Variants in CAB39 observed in about 807,000 individuals in gnomAD.
CAB39 encodes the protein calcium binding protein 39.
In CAB39, 8 loss-of-function variants were observed where a neutral mutation model predicts 40.0. That is an observed-to-expected ratio of 0.20 (90% CI 0.12 to 0.36). CAB39 has a LOEUF of 0.36. CAB39 is among the 10% of genes least tolerant of loss of function. CAB39 has a pLI of 1.00. For missense variants in CAB39, 270 were observed against 401.1 expected (o/e 0.67, Z 2.79); for synonymous variants, 156 against 141.6 (o/e 1.10, Z -0.72).
At chr2:230,751,488 A>G (rs1695084935) in intron 1 of CAB39, among the ~76,000 whole-genome samples, 1 of 152,194 alleles carries the variant, frequency 6.6e-6, no homozygotes, top group Non-Finnish European at 1.5e-5. Flanking sequence ...AGTTCTTTTC[A>G]GTATTTGTCA....
At chr2:230,781,100 CGGG>C (rs1695679062) in intron 2 of CAB39, among the ~76,000 whole-genome samples, 1 of 151,738 alleles carries the variant, frequency 6.6e-6, no homozygotes, top group Non-Finnish European at 1.5e-5. Context: ...AAAATTATCT[CGGG>C]GGAACTGAGC....
chr2:230,789,651 G>T (rs1695858101), intron 2 of CAB39, among the ~76,000 whole-genome samples: 1 of 152,154 alleles, frequency 6.6e-6, no homozygotes, highest in African/African-American at 2.4e-5. Context: ...CCCATGTGTG[G>T]TTATCAGTAC....
intron 1 of CAB39, among the ~76,000 whole-genome samples, chr2:230,755,878 C>A (rs1695179790): frequency 6.6e-6 from 1 of 152,122 alleles, no homozygotes; most frequent in Non-Finnish European, 1.5e-5. Context: ...CCACTGGAAC[C>A]CTTCTCGAAC....
At chr2:230,724,392 C>A (rs1360323668) in intron 1 of CAB39, among the ~76,000 whole-genome samples, 1 of 151,514 alleles carries the variant, frequency 6.6e-6, no homozygotes, top group Non-Finnish European at 1.5e-5. Flanking sequence ...TTGTTTAAGA[C>A]CTCTATGGGC....
intron 1 of CAB39, chr2:230,725,457 C>A (rs1360406240): frequency 7.0e-7 from 1 of 1,429,360 alleles, no homozygotes; most frequent in Non-Finnish European, 9.8e-7. Context: ...CTCCCGCCAC[C>A]CGGCCACTCC....
chr2:230,727,363 CGTGTGTGTGTGT>C (rs10542723), intron 1 of CAB39, among the ~76,000 whole-genome samples: 84 of 126,942 alleles, frequency 6.6e-4, no homozygotes, highest in Admixed American at 2.1e-3. Context: ...GATTGTTAAC[CGTGTGTGTGTGT>C]GTGTGTGTGT....
At chr2:230,755,125 G>A (rs1695168583) in intron 1 of CAB39, among the ~76,000 whole-genome samples, 2 of 152,074 alleles carry the variant, frequency 1.3e-5, no homozygotes, top group Non-Finnish European at 2.9e-5. Context: ...ATTTGGATTG[G>A]TTCCATGATT....
intron 1 of CAB39, among the ~76,000 whole-genome samples, chr2:230,748,729 C>G (rs1457366283): frequency 2.0e-5 from 3 of 148,542 alleles, no homozygotes; most frequent in African/African-American, 7.4e-5. Flanking sequence ...ATGGTTTGAA[C>G]CTGGGAGGCA....
intron 1 of CAB39, among the ~76,000 whole-genome samples, chr2:230,722,664 G>A (rs1009491736): frequency 6.6e-6 from 1 of 152,220 alleles, no homozygotes; most frequent in African/African-American, 2.4e-5. Context: ...AGAATGCCAT[G>A]CATAGCGTGT....
intron 1 of CAB39, among the ~76,000 whole-genome samples, chr2:230,735,703 C>A (rs780475430): frequency 6.0e-5 from 9 of 150,196 alleles, no homozygotes; most frequent in African/African-American, 4.9e-5. Flanking sequence ...TTTATAGAGA[C>A]CAGGTCTCAC....
At chr2:230,813,565 C>T (rs1696341871) in intron 6 of CAB39, among the ~76,000 whole-genome samples, 1 of 152,164 alleles carries the variant, frequency 6.6e-6, no homozygotes, top group Non-Finnish European at 1.5e-5. Flanking sequence ...TACTTTTTCT[C>T]TTTGCCTGAT....
chr2:230,753,480 C>T (rs1695125108), intron 1 of CAB39, among the ~76,000 whole-genome samples: 1 of 151,992 alleles, frequency 6.6e-6, no homozygotes, highest in Non-Finnish European at 1.5e-5. Flanking sequence ...TTTGGCCAGA[C>T]GTGGTGGCTC....
chr2:230,722,337 T>C (rs1241067118), intron 1 of CAB39, among the ~76,000 whole-genome samples: 3 of 152,222 alleles, frequency 2.0e-5, no homozygotes, highest in Non-Finnish European at 4.4e-5. Context: ...AAATATTTTT[T>C]GTAGAGACGG....
At chr2:230,761,566 G>T (rs1426920306) in intron 2 of CAB39, among the ~76,000 whole-genome samples, 1 of 152,186 alleles carries the variant, frequency 6.6e-6, no homozygotes, top group Non-Finnish European at 1.5e-5. Context: ...TTATACTTCA[G>T]TGTAGTACGG....
At chr2:230,786,813 A>C (rs1227239308) in intron 2 of CAB39, among the ~76,000 whole-genome samples, 3 of 152,248 alleles carry the variant, frequency 2.0e-5, no homozygotes, top group Admixed American at 6.5e-5. Context: ...AAAATGGAGT[A>C]GAAAACCCAA....
At chr2:230,768,410 C>T (rs538966085) in intron 2 of CAB39, among the ~76,000 whole-genome samples, 1 of 152,254 alleles carries the variant, frequency 6.6e-6, no homozygotes, top group South Asian at 2.1e-4. Flanking sequence ...ATCATCTTCC[C>T]TGTAGTTAAG....
chr2:230,749,423 C>T (rs1695046308), intron 1 of CAB39, among the ~76,000 whole-genome samples: 1 of 151,946 alleles, frequency 6.6e-6, no homozygotes, highest in Non-Finnish European at 1.5e-5. Context: ...TTTTAAAATA[C>T]ACTTTTTATA....
intron 6 of CAB39, among the ~76,000 whole-genome samples, chr2:230,813,093 A>G (rs1448616203): frequency 6.6e-6 from 1 of 152,228 alleles, no homozygotes; most frequent in African/African-American, 2.4e-5. Context: ...TCAGGAAAGC[A>G]CGAAGATCCA....
At chr2:230,800,644 G>C (rs927395448) in intron 5 of CAB39, among the ~76,000 whole-genome samples, 3 of 152,128 alleles carry the variant, frequency 2.0e-5, no homozygotes, top group African/African-American at 7.2e-5. Flanking sequence ...GGACAGCCAG[G>C]AGCCTGAGGG....
Sources: allele counts gnomAD v4.1 joint callset (sites outside exome capture counted in the v4.1 genomes callset), GRCh38; gene constraint gnomAD v4.1.1; transcripts MANE v1.5; gene names NCBI Gene and HGNC (gene_info 2026-07-23, HGNC 2026-07-21).